RBMS3: variants seen among roughly 807,000 people sequenced by gnomAD.
RBMS3 encodes RNA-binding motif, single-stranded-interacting protein 3.
In RBMS3, 27 loss-of-function variants were observed where a neutral mutation model predicts 66.8. The observed-to-expected ratio is 0.40, with a 90% CI of 0.30 to 0.56. The LOEUF (loss-of-function observed/expected upper bound fraction) is 0.56, where lower values mean the gene tolerates loss of function less well. Ranked by LOEUF, RBMS3 falls within the 20% of genes least tolerant of loss-of-function variation. The pLI is 0.40. For missense variants in RBMS3, 513 were observed against 549.5 expected (o/e 0.93, Z 0.66); for synonymous variants, 188 against 183.0 (o/e 1.03, Z -0.22).
intron 6 of RBMS3, among the ~76,000 whole-genome samples, chr3:29,784,955 A>T (rs957692990): frequency 2.1e-4 from 32 of 152,080 alleles, no homozygotes; most frequent in African/African-American, 7.7e-4. Context: ...ATTTCTGAAA[A>T]TATACAACCC....
chr3:29,384,429 T>TAAGAAGAAGAAGAAGAAGAAGAAG (rs1336272827), intron 1 of RBMS3, among the ~76,000 whole-genome samples: 51 of 95,970 alleles, frequency 5.3e-4, no homozygotes, highest in African/African-American at 1.7e-3. Flanking sequence ...ATAATAATAA[T>TAAGAAGAAGAAGAAGAAGAAGAAG]AATAATAAGA....
intron 1 of RBMS3, among the ~76,000 whole-genome samples, chr3:29,346,685 G>A (rs773423241): frequency 6.6e-5 from 10 of 151,992 alleles, no homozygotes; most frequent in African/African-American, 1.9e-4. Context: ...GAGCCACCGC[G>A]CCTGGCCAGC....
chr3:29,336,330 T>C (rs1312409666), intron 1 of RBMS3, among the ~76,000 whole-genome samples: 1 of 152,158 alleles, frequency 6.6e-6, no homozygotes, highest in Non-Finnish European at 1.5e-5. Flanking sequence ...GTTGTGTTTT[T>C]TTGCAAGGCA....
At chr3:30,002,249 A>G (rs1316836280) in intron 14 of RBMS3, among the ~76,000 whole-genome samples, 3 of 152,138 alleles carry the variant, frequency 2.0e-5, no homozygotes, top group Admixed American at 6.6e-5. Flanking sequence ...CAGGTATTCT[A>G]TGCACTGTAG....
At chr3:29,817,458 G>C (rs1406339055) in intron 6 of RBMS3, among the ~76,000 whole-genome samples, 2 of 152,082 alleles carry the variant, frequency 1.3e-5, no homozygotes, top group African/African-American at 2.4e-5. Context: ...GCTCGCCTCA[G>C]CCTCCCAAAG....
intron 6 of RBMS3, among the ~76,000 whole-genome samples, chr3:29,779,863 C>CTT (rs916875918): frequency 6.7e-6 from 1 of 148,982 alleles, no homozygotes; most frequent in African/African-American, 2.4e-5. Flanking sequence ...TTTGAGTAAG[C>CTT]TTTTTTTTTT....
At chr3:29,575,404 T>G (rs1418277117) in intron 3 of RBMS3, among the ~76,000 whole-genome samples, 1 of 152,262 alleles carries the variant, frequency 6.6e-6, no homozygotes, top group South Asian at 2.1e-4. Context: ...TGTCTTTTTT[T>G]CCTCTTACTA....
At chr3:29,291,041 A>C (rs1282467459) in intron 1 of RBMS3, among the ~76,000 whole-genome samples, 2 of 151,966 alleles carry the variant, frequency 1.3e-5, no homozygotes, top group African/African-American at 4.8e-5. Context: ...ATTCTTGCGA[A>C]GTGAAAAAAA....
rs148614945 is a variant in RBMS3 at position 29,783,090 on chromosome 3, G to A, written c.637+20101G>A. On this transcript the variant is annotated intron_variant, in intron 6 of 14. Transcript: ENST00000383767. ...CCTAAGAATAATTGGCGTTCCTGAG[G>A]AAGAAGAGAAACCTAAAAGTTTTGA... Among the ~76,000 whole-genome samples the A allele has an allele frequency of 5.0e-3, 759 of 152,282 alleles. 7 individuals are homozygous for A. Among genetic ancestry groups the A allele is most frequent in the Non-Finnish European group, 4.3e-3 (290 of 68,020 alleles).
At chr3:29,742,908 A>G (rs2149353772) in intron 5 of RBMS3, among the ~76,000 whole-genome samples, 1 of 152,338 alleles carries the variant, frequency 6.6e-6, no homozygotes, top group East Asian at 1.9e-4. Context: ...AGAAAGTGCC[A>G]TGTGGACTGA....
At chr3:29,646,801 A>G (rs2049939993) in intron 4 of RBMS3, among the ~76,000 whole-genome samples, 1 of 152,054 alleles carries the variant, frequency 6.6e-6, no homozygotes, top group African/African-American at 2.4e-5. Context: ...GGAGAGTTTA[A>G]AATCTTTTAA....
chr3:29,473,679 G>A (rs1414019854), intron 2 of RBMS3, among the ~76,000 whole-genome samples: 2 of 152,250 alleles, frequency 1.3e-5, no homozygotes, highest in South Asian at 2.1e-4. Context: ...GTGAGAAATC[G>A]AGTGCAGCGC....
intron 7 of RBMS3, among the ~76,000 whole-genome samples, chr3:29,878,853 G>A (rs570210632): frequency 1.3e-5 from 2 of 152,040 alleles, no homozygotes; most frequent in South Asian, 4.2e-4. Flanking sequence ...AACAACTTGG[G>A]TAACACAGTG....
intron 3 of RBMS3, among the ~76,000 whole-genome samples, 174 bp from the exon 4 acceptor site, chr3:29,586,940 T>A (rs1434106268): frequency 1.3e-5 from 2 of 152,128 alleles, no homozygotes; most frequent in African/African-American, 4.8e-5. Context: ...AGAGACATTA[T>A]GATGTTATCT....
chr3:29,305,608 C>T (rs905725531), intron 1 of RBMS3, among the ~76,000 whole-genome samples: 15 of 152,006 alleles, frequency 9.9e-5, no homozygotes, highest in African/African-American at 3.6e-4. Context: ...CACCCACACA[C>T]ATACTGTAGC....
At chr3:29,776,365 G>A (rs1287624115) in intron 6 of RBMS3, among the ~76,000 whole-genome samples, 1 of 151,798 alleles carries the variant, frequency 6.6e-6, no homozygotes, top group Non-Finnish European at 1.5e-5. Flanking sequence ...GTCTTGCCAG[G>A]TTCCTCATAG....
intron 3 of RBMS3, among the ~76,000 whole-genome samples, chr3:29,514,715 G>A (rs1177448440): frequency 7.6e-6 from 1 of 131,860 alleles, no homozygotes; most frequent in Non-Finnish European, 1.6e-5. Context: ...GCATATATAT[G>A]TGTATATGAT....
intron 6 of RBMS3, among the ~76,000 whole-genome samples, chr3:29,834,234 T>C (rs1387126382): frequency 2.0e-5 from 3 of 152,046 alleles, no homozygotes; most frequent in African/African-American, 7.2e-5. Context: ...TGTTAATTAG[T>C]AACATGAAAA....
Position 29,947,888 on chromosome 3 carries a change from A to G in RBMS3, c.1098+3634A>G, listed in dbSNP as rs1695423425. ...AATCAAGCAGAAGACTACTATCACT[A>G]GAGAACTAAAGTAGAATCAAAATCT... is the stretch of plus-strand genomic sequence containing the variant. On this transcript the variant is annotated intron_variant, in intron 12 of 14. Coordinates refer to ENST00000383767, the MANE Select transcript of RBMS3 (RefSeq NM_001003793.3). 2.0e-5 allele frequency among the ~76,000 whole-genome samples: 3 copies of G among 151,088 alleles called. No homozygotes were observed. The South Asian group carries it at 6.2e-4, about 31-fold the overall frequency.
Sources: allele counts gnomAD v4.1 joint callset (sites outside exome capture counted in the v4.1 genomes callset), GRCh38; gene constraint gnomAD v4.1.1; transcripts MANE v1.5; gene names NCBI Gene and HGNC (gene_info 2026-07-23, HGNC 2026-07-21).